Variants in ACOT11 observed in about 807,000 individuals in gnomAD.
The protein encoded by ACOT11 is acyl-CoA thioesterase 11.
In ACOT11, 69 loss-of-function variants were observed where a neutral mutation model predicts 77.5. The observed-to-expected ratio is 0.89, with a 90% CI of 0.73 to 1.09. The LOEUF (loss-of-function observed/expected upper bound fraction) is 1.09. ACOT11 is among the 50% of genes least tolerant of loss of function. The pLI is 0.00. For missense variants in ACOT11, 766 were observed against 813.7 expected (o/e 0.94, Z 0.71); for synonymous variants, 279 against 313.0 (o/e 0.89, Z 1.15).
chr1:54,610,515 G>T, downstream of ACOT11: 1 of 1,613,590 alleles, frequency 6.2e-7, no homozygotes, highest in African/African-American at 1.3e-5. Flanking sequence ...GAGGGATCAG[G>T]CTGCCTCCCG....
downstream of ACOT11, chr1:54,614,979 G>A (rs1374183907): frequency 1.0e-6 from 1 of 992,270 alleles, no homozygotes; most frequent in African/African-American, 1.8e-5. Context: ...GTGGAGTCAG[G>A]GGAGGGCGGA....
chr1:54,569,029 T>C (rs1211657376), intron 1 of ACOT11, among the ~76,000 whole-genome samples: 1 of 151,760 alleles, frequency 6.6e-6, no homozygotes, highest in Non-Finnish European at 1.5e-5. Context: ...GAGGATTACT[T>C]GAGCCTGGGA....
intron 15 of ACOT11, among the ~76,000 whole-genome samples, chr1:54,620,771 C>T (rs1644221951): frequency 6.9e-6 from 1 of 145,446 alleles, no homozygotes; most frequent in Non-Finnish European, 1.5e-5. Context: ...ATCACCTGAA[C>T]CCGAGAGGTG....
intron 15 of ACOT11, among the ~76,000 whole-genome samples, chr1:54,619,491 G>A (rs988317995): frequency 3.3e-5 from 5 of 152,156 alleles, no homozygotes; most frequent in African/African-American, 1.2e-4. Context: ...TGTAATGTGC[G>A]CCCAGTGAGC....
intron 15 of ACOT11, chr1:54,615,930 T>C: frequency 7.3e-7 from 1 of 1,368,084 alleles, no homozygotes; most frequent in Non-Finnish European, 1.0e-6. Context: ...GTGTCAGGGC[T>C]GGACTTGCTT....
intron 12 of ACOT11, 42 bp from the exon 13 acceptor site, chr1:54,605,034 C>T: frequency 6.3e-7 from 1 of 1,584,952 alleles, no homozygotes; most frequent in Non-Finnish European, 8.6e-7. Flanking sequence ...CATCAGTCCA[C>T]TCCACCACCC....
chr1:54,562,605 T>C (rs75257259), intron 1 of ACOT11, among the ~76,000 whole-genome samples: 1,129 of 120,750 alleles, frequency 9.3e-3, no homozygotes, highest in East Asian at 0.018. Flanking sequence ...TCCTCACTTC[T>C]CAGATGGGGC....
chr1:54,607,892 C>CT lies in ACOT11; in HGVS notation c.1503-47dup. ...CTTGGTTGGGCAGAACAGGCCCCCACTTTCTTCTGTGGCTGACCCCTGTCC... is the reference window on the plus strand; with the variant it reads ...CTTGGTTGGGCAGAACAGGCCCCCACTTTTCTTCTGTGGCTGACCCCTGTCC... On this transcript the variant is annotated intron_variant, in intron 14 of 15. Transcript: ENST00000343744. This position sits in a 1 kb window ranked among gnomAD's most constrained non-coding sequence, Gnocchi z 4.5. The CT allele has an allele frequency of 6.2e-7, 1 of 1,609,244 alleles. No homozygotes were observed. The highest frequency in any genetic ancestry group is 8.5e-7 in the Non-Finnish European group (1 of 1,177,102).
In ACOT11 at chr1:54,585,688, G is replaced by A. The variant is rs1039870100; in HGVS notation, c.242-147G>A. 13 of 688,066 alleles carry A rather than the reference G, an allele frequency of 1.9e-5. No individual in the cohort carries two copies. The African/African-American group carries it at 2.1e-4, about 11-fold the overall frequency. The allele number at this position is 688,066 out of a possible 1,614,324, so 42.6% of individuals were successfully genotyped here. A position where few individuals can be genotyped will look rare whatever the true frequency, so the allele number is the denominator to read the frequency against. ...GGTCGGGGTGGTGCCCACGGTGAGGGGTGTAAGGAATGGTGGCAGCAGGGT... is the reference window on the plus strand; with the variant it reads ...GGTCGGGGTGGTGCCCACGGTGAGGAGTGTAAGGAATGGTGGCAGCAGGGT... On this transcript the variant is annotated intron_variant, in intron 2 of 15. Transcript: ENST00000343744.
intron 6 of ACOT11, among the ~76,000 whole-genome samples, chr1:54,595,731 G>A (rs1654876288): frequency 6.6e-6 from 1 of 152,242 alleles, no homozygotes; most frequent in South Asian, 2.1e-4. Context: ...GATTTTGACA[G>A]ATGGGAGATA....
intron 1 of ACOT11, among the ~76,000 whole-genome samples, chr1:54,560,120 G>A (rs899537027): frequency 6.6e-6 from 1 of 152,226 alleles, no homozygotes; most frequent in African/African-American, 2.4e-5. Flanking sequence ...ACAGGGATGA[G>A]CCAGACTAGA....
chr1:54,592,658 C>T, intron 4 of ACOT11, 52 bp downstream of exon 4: 6 of 1,576,420 alleles, frequency 3.8e-6, no homozygotes, highest in Non-Finnish European at 5.2e-6. Context: ...GGTCCTCTAC[C>T]TCCTCTCTCC....
intron 4 of ACOT11, among the ~76,000 whole-genome samples, chr1:54,592,832 C>T (rs529334563): frequency 6.6e-6 from 1 of 152,314 alleles, no homozygotes; most frequent in African/African-American, 2.4e-5. Flanking sequence ...AAGGGACTTG[C>T]CCCAGGTCAC....
chr1:54,606,949 C>T (rs1644033287), intron 13 of ACOT11, among the ~76,000 whole-genome samples, 185 bp from the exon 14 acceptor site: 1 of 152,260 alleles, frequency 6.6e-6, no homozygotes. Context: ...TGTGCACACG[C>T]ACATGTGTGT....
At chr1:54,583,959 G>A (rs555259069) in intron 1 of ACOT11, among the ~76,000 whole-genome samples, 1 of 152,190 alleles carries the variant, frequency 6.6e-6, no homozygotes, top group East Asian at 1.9e-4. Context: ...TCTTCTGCTT[G>A]GAGAGTAAGA....
intron 8 of ACOT11, 149 bp from the exon 9 acceptor site, chr1:54,601,120 T>G: frequency 2.8e-6 from 2 of 721,054 alleles, no homozygotes; most frequent in Non-Finnish European, 4.1e-6. Flanking sequence ...TGCATACATG[T>G]GTGTGTATGT....
At chr1:54,590,597 G>A (rs1196925493) in intron 3 of ACOT11, among the ~76,000 whole-genome samples, 1 of 152,038 alleles carries the variant, frequency 6.6e-6, no homozygotes, top group Non-Finnish European at 1.5e-5. Context: ...ATTTTTATCT[G>A]GGGGACCACA....
chr1:54,552,071 G>A (rs1019311944), intron 1 of ACOT11, among the ~76,000 whole-genome samples: 7 of 152,126 alleles, frequency 4.6e-5, no homozygotes, highest in African/African-American at 7.2e-5. Flanking sequence ...TTCACCCCAC[G>A]GTTCACGGTG....
At chr1:54,611,885 A>G, downstream of ACOT11, 1 of 924,382 alleles carries the variant, frequency 1.1e-6, no homozygotes. Context: ...CTTCTCCCTG[A>G]GTCCTACCCC....
Sources: gnomAD v4.1 joint callset for allele counts (sites outside exome capture counted in the v4.1 genomes callset) on GRCh38, gnomAD v4.1.1 for gene constraint, Gnocchi (gnomAD v3.1) non-coding constraint, MANE v1.5 for transcripts, NCBI Gene and HGNC (gene_info 2026-07-23, HGNC 2026-07-21) for gene names.